Variants in PCDHGB1 observed in about 807,000 individuals in gnomAD.
PCDHGB1 encodes protocadherin gamma-B1.
In PCDHGB1, 34 loss-of-function variants were observed where a neutral mutation model predicts 56.6. The ratio of observed to expected loss-of-function variants is 0.60; its 90% CI spans 0.46 to 0.80. PCDHGB1 has a LOEUF of 0.80. Among genes scored for constraint, PCDHGB1 ranks in the 30% least tolerant of loss-of-function variants. PCDHGB1 has a pLI of 0.00. For missense variants in PCDHGB1, 1,278 were observed against 1,204.6 expected, an observed-to-expected ratio of 1.06 and a Z score of -0.90; for synonymous variants, 561 against 505.9, an observed-to-expected ratio of 1.11 and a Z score of -1.46.
rs1304750292 is a variant in PCDHGB1 at position 141,383,376 on chromosome 5, T to A, written c.2409+30707T>A. 7 of 1,613,980 alleles carry A rather than the reference T, an allele frequency of 4.3e-6. No homozygotes were observed. Among genetic ancestry groups the A allele is most frequent in the Non-Finnish European group, 5.1e-6 (6 of 1,179,894 alleles). ...GGTTTCCGTTAAGCGAGGCTGGGGA[T>A]CCAGATGTGGGCACGAACTCCCTCC... is the stretch of plus-strand genomic sequence containing the variant. On this transcript the variant is annotated intron_variant, in intron 1 of 3. Coordinates refer to ENST00000523390, the MANE Select transcript of PCDHGB1 (RefSeq NM_018922.3).
chr5:141,417,995 G>A (rs779307855), intron 1 of PCDHGB1: 74 of 1,613,786 alleles, frequency 4.6e-5, no homozygotes, highest in Admixed American at 1.7e-4. Flanking sequence ...CAAGGGCTCG[G>A]TGGTGGGGAA....
chr5:141,418,589 C>T (rs184213052), intron 1 of PCDHGB1: 13 of 1,613,896 alleles, frequency 8.1e-6, no homozygotes, highest in African/African-American at 6.7e-5. Flanking sequence ...AGTGTTCAGC[C>T]AGGACGTGTA....
In PCDHGB1 at chr5:141,426,211, G is replaced by A. The variant is rs184669298; in HGVS notation, c.2410-68596G>A. On this transcript the variant is annotated intron_variant, in intron 1 of 3. Coordinates refer to ENST00000523390, the MANE Select transcript of PCDHGB1 (RefSeq NM_018922.3). ...TGGGAGCATTGAGTTTTCTATGTAT[G>A]GAAGTAAATATTTTAAAAGCACTTT... The A allele has an allele frequency of 7.7e-4, 121 of 157,870 alleles. 1 individual carries two copies. The highest frequency in any genetic ancestry group is 7.4e-4 in the South Asian group (4 of 5,398). 9.8% of individuals were successfully genotyped at this position (157,870 alleles called of 1,614,324 possible). A position where few individuals can be genotyped will look rare whatever the true frequency, so the allele number is the denominator to read the frequency against.
intron 1 of PCDHGB1, chr5:141,423,625 A>G (rs375112361): frequency 1.6e-5 from 25 of 1,606,754 alleles, no homozygotes; most frequent in Admixed American, 6.8e-5. Flanking sequence ...AGACTCAGCT[A>G]TCATTTTAGG....
chr5:141,464,898 C>T (rs969877255), intron 1 of PCDHGB1, among the ~76,000 whole-genome samples: 4 of 151,958 alleles, frequency 2.6e-5, no homozygotes, highest in African/African-American at 4.8e-5. Flanking sequence ...GCCACCATGT[C>T]CAGCTAATTT....
Position 141,476,162 on chromosome 5 carries a change from G to A in PCDHGB1, c.2410-18645G>A. 6.2e-7 allele frequency: 1 copy of A among 1,613,038 alleles called. No homozygotes were observed. Among genetic ancestry groups the A allele is most frequent in the South Asian group, 1.1e-5 (1 of 91,040 alleles). Reference sequence around the variant, plus strand: ...GAGCGGACTGGTAAGCACCGGGAGGGTAGTGGGAGTTTTGCTTCTGCTTGG... The same window carrying A: ...GAGCGGACTGGTAAGCACCGGGAGGATAGTGGGAGTTTTGCTTCTGCTTGG... On this transcript the variant is annotated intron_variant, in intron 1 of 3. Coordinates refer to ENST00000523390, the MANE Select transcript of PCDHGB1 (RefSeq NM_018922.3). The surrounding 1 kb of genome is among the most constrained non-coding windows in gnomAD (Gnocchi z 7.6).
At position 141,486,134 on chromosome 5, in the gene PCDHGB1, C is replaced by T; in HGVS notation, c.2410-8673C>T. 6.2e-7 allele frequency: 1 copy of T among 1,614,168 alleles called. No homozygotes were observed. ...TGAGAATTACTATGAATTTGATGTG[C>T]GGGCTCGCGATGGGGGTTCTCCAGC... On this transcript the variant is annotated intron_variant, in intron 1 of 3. Coordinates refer to ENST00000523390, the MANE Select transcript of PCDHGB1 (RefSeq NM_018922.3). The surrounding 1 kb of genome is among the most constrained non-coding windows in gnomAD (Gnocchi z 5.0).
At chr5:141,399,494 G>T in intron 1 of PCDHGB1, 1 of 1,614,032 alleles carries the variant, frequency 6.2e-7, no homozygotes, top group Non-Finnish European at 8.5e-7. Flanking sequence ...TACTTAGTCA[G>T]TGTACCCGAA....
In PCDHGB1 at chr5:141,485,822, G is replaced by A. The variant is rs750883983; in HGVS notation, c.2410-8985G>A. 6.2e-7 allele frequency: 1 copy of A among 1,614,192 alleles called. No individual in the cohort carries two copies. The highest frequency in any genetic ancestry group is 1.1e-5 in the South Asian group (1 of 91,080). ...CCGCCTGGTGCTGACTGCTGTCGAT[G>A]GAGGGAACCCGCCGAGATCTGGCAC... On this transcript the variant is annotated intron_variant, in intron 1 of 3. Transcript: ENST00000523390. This position sits in a 1 kb window ranked among gnomAD's most constrained non-coding sequence, Gnocchi z 5.7.
chr5:141,427,646 C>A, intron 1 of PCDHGB1: 1 of 715,440 alleles, frequency 1.4e-6, no homozygotes, highest in East Asian at 2.7e-5. Context: ...ACCAAGTCTC[C>A]TACGTGGTCC....
At chr5:141,391,211 A>C (rs2092317474) in intron 1 of PCDHGB1, 1 of 152,220 alleles carries the variant, frequency 6.6e-6, no homozygotes, top group African/African-American at 2.4e-5. Flanking sequence ...AATACCAAGG[A>C]ACATTATATG....
intron 1 of PCDHGB1, chr5:141,422,327 T>C (rs1561800795): frequency 1.3e-6 from 2 of 1,548,652 alleles, no homozygotes; most frequent in African/African-American, 2.8e-5. Context: ...GGTACAGTGA[T>C]TGCTCTTCTA....
chr5:141,361,809 T>C (rs755899945), intron 1 of PCDHGB1: 1 of 1,612,970 alleles, frequency 6.2e-7, no homozygotes, highest in African/African-American at 1.3e-5. Context: ...TCAATGACAA[T>C]GCGCCACGGG....
At chr5:141,390,455 T>C (rs2092151799) in intron 1 of PCDHGB1, 6 of 771,128 alleles carry the variant, frequency 7.8e-6, no homozygotes, top group Non-Finnish European at 1.2e-5. Context: ...AGGAGTAAAG[T>C]AGGAGCAATT....
Position 141,365,921 on chromosome 5 carries a change from T to C in PCDHGB1, c.2409+13252T>C. ...TGAGCAGTTGAGAGACCTACAGTTG[T>C]GGGTGACAGCCAGCGACAGTGGGAA... On this transcript the variant is annotated intron_variant, in intron 1 of 3. Transcript: ENST00000523390. The C allele has an allele frequency of 3.7e-6, 6 of 1,614,192 alleles. No individual in the cohort carries two copies. In the South Asian group the frequency reaches 5.5e-5, roughly 15 times the overall value.
intron 1 of PCDHGB1, among the ~76,000 whole-genome samples, chr5:141,381,826 CTTTTTTTTTTTT>C (rs770630741): frequency 2.7e-5 from 2 of 74,284 alleles, no homozygotes; most frequent in Non-Finnish European, 4.7e-5. Flanking sequence ...CTTTCTTCTT[CTTTTTTTTTTTT>C]TTTTTTTTTT....
rs776132438 is a variant in PCDHGB1 at position 141,432,197 on chromosome 5, G to A, written c.2410-62610G>A. The A allele has an allele frequency of 2.5e-6, 4 of 1,614,112 alleles. No individual in the cohort carries two copies. The South Asian group carries it at 3.3e-5, about 13-fold the overall frequency. The stretch of plus-strand genomic sequence containing the variant: ...CGTCTCTGTGACCGCCCACGACCCC[G>A]ACTGTGAAGAGAACGCCCAGATCAC... On this transcript the variant is annotated intron_variant, in intron 1 of 3. Coordinates refer to ENST00000523390, the MANE Select transcript of PCDHGB1 (RefSeq NM_018922.3). The surrounding 1 kb of genome is among the most constrained non-coding windows in gnomAD (Gnocchi z 6.0).
intron 1 of PCDHGB1, chr5:141,420,319 G>T (rs1393746531): frequency 7.0e-7 from 1 of 1,437,422 alleles, no homozygotes; most frequent in African/African-American, 1.4e-5. Context: ...ATTACAATAT[G>T]CCAATATATT....
chr5:141,436,859 A>T (rs550974791), intron 1 of PCDHGB1, among the ~76,000 whole-genome samples: 1 of 152,250 alleles, frequency 6.6e-6, no homozygotes, highest in Non-Finnish European at 1.5e-5. Flanking sequence ...TTGAGAAGCC[A>T]CAGTTTTAGG....
Sources: allele counts gnomAD v4.1 joint callset (sites outside exome capture counted in the v4.1 genomes callset), GRCh38; gene constraint gnomAD v4.1.1; non-coding constraint Gnocchi (gnomAD v3.1); transcripts MANE v1.5; gene names NCBI Gene and HGNC (gene_info 2026-07-23, HGNC 2026-07-21).